The following NTRK2 variants were observed in gnomAD, a reference collection of about 807,000 sequenced individuals.
The protein encoded by NTRK2 is BDNF/NT-3 growth factors receptor.
Under a neutral mutation model 94.5 loss-of-function variants are expected in NTRK2, and 13 were observed. The ratio of observed to expected loss-of-function variants is 0.14; its 90% CI spans 0.09 to 0.22. NTRK2 has a LOEUF of 0.22. Among genes scored for constraint, NTRK2 ranks in the 10% least tolerant of loss-of-function variants. The pLI, the probability that NTRK2 is intolerant of heterozygous loss-of-function variation, is 1.00. For synonymous variants in NTRK2, 372 were observed against 407.4 expected, an observed-to-expected ratio of 0.91 and a Z score of 1.05; for missense variants, 639 against 1,071.2, an observed-to-expected ratio of 0.60 and a Z score of 5.63.
intron 17 of NTRK2, among the ~76,000 whole-genome samples, chr9:84,988,219 A>G (rs925234792): frequency 1.3e-5 from 2 of 152,202 alleles, no homozygotes; most frequent in South Asian, 2.1e-4. Flanking sequence ...AGCCACGCCA[A>G]CCAGAGGCAG....
chr9:84,705,252 G>A (rs117762954), intron 4 of NTRK2, among the ~76,000 whole-genome samples: 2 of 152,062 alleles, frequency 1.3e-5, no homozygotes, highest in East Asian at 1.9e-4. Flanking sequence ...GAGCCCCAGA[G>A]ACTGGTCACT....
intron 12 of NTRK2, among the ~76,000 whole-genome samples, chr9:84,854,946 C>CAAAAAAA (rs149925184): frequency 1.6e-5 from 1 of 63,364 alleles, no homozygotes; most frequent in Non-Finnish European, 2.7e-5. Context: ...GACTCCGTCT[C>CAAAAAAA]AAAAAAAAAA....
chr9:84,841,759 G>C (rs1043121894), intron 12 of NTRK2, among the ~76,000 whole-genome samples: 1 of 152,150 alleles, frequency 6.6e-6, no homozygotes, highest in Non-Finnish European at 1.5e-5. Context: ...CCTTGTTGTC[G>C]TTGGTAATTC....
At chr9:84,699,275 A>C (rs2060576073) in intron 2 of NTRK2, among the ~76,000 whole-genome samples, 1 of 152,086 alleles carries the variant, frequency 6.6e-6, no homozygotes, top group African/African-American at 2.4e-5. Flanking sequence ...TGACCTCGTG[A>C]TCCGCCCGAC....
intron 12 of NTRK2, among the ~76,000 whole-genome samples, chr9:84,854,946 CAAAAAAAAAAAAAAAA>C (rs149925184): frequency 6.3e-5 from 4 of 63,364 alleles, no homozygotes; most frequent in Admixed American, 2.5e-4. Flanking sequence ...GACTCCGTCT[CAAAAAAAAAAAAAAAA>C]AAAAAAAAAA....
intron 17 of NTRK2, among the ~76,000 whole-genome samples, chr9:85,013,905 G>C (rs2133544461): frequency 6.6e-6 from 1 of 152,288 alleles, no homozygotes; most frequent in Non-Finnish European, 1.5e-5. Flanking sequence ...TGGCCTCCCA[G>C]GCATCATTGG....
At chr9:84,803,124 G>A (rs2070700101) in intron 12 of NTRK2, among the ~76,000 whole-genome samples, 1 of 152,168 alleles carries the variant, frequency 6.6e-6, no homozygotes, top group Non-Finnish European at 1.5e-5. Context: ...TGCCAAATGA[G>A]TCTGTGCCCA....
At chr9:84,819,659 T>C (rs911296165) in intron 12 of NTRK2, among the ~76,000 whole-genome samples, 2 of 152,192 alleles carry the variant, frequency 1.3e-5, no homozygotes, top group African/African-American at 4.8e-5. Context: ...GTTCAGGGTA[T>C]GTCTGTTGTG....
intron 12 of NTRK2, among the ~76,000 whole-genome samples, chr9:84,827,255 AG>A (rs1156483193): frequency 6.6e-6 from 1 of 152,158 alleles, no homozygotes; most frequent in African/African-American, 2.4e-5. Flanking sequence ...GGGAGGAGAG[AG>A]GGGCAGCCCC....
intron 9 of NTRK2, among the ~76,000 whole-genome samples, chr9:84,735,245 T>G (rs952333775): frequency 1.3e-5 from 2 of 152,162 alleles, no homozygotes; most frequent in Admixed American, 1.3e-4. Flanking sequence ...CACTGAGACC[T>G]TTTGACTCTG....
intron 12 of NTRK2, among the ~76,000 whole-genome samples, chr9:84,783,881 T>C (rs35092125): frequency 0.044 from 6,684 of 152,062 alleles, 188 homozygotes; most frequent in Admixed American, 0.061. Flanking sequence ...CCCAAAGACT[T>C]CGCATGGAGG....
At chr9:84,746,393 A>G (rs1481057803) in intron 11 of NTRK2, among the ~76,000 whole-genome samples, 1 of 152,084 alleles carries the variant, frequency 6.6e-6, no homozygotes, top group African/African-American at 2.4e-5. Context: ...CTTTACAAGG[A>G]AAGTTTGCCT....
At chr9:84,715,302 T>C (rs1738607633) in intron 6 of NTRK2, among the ~76,000 whole-genome samples, 1 of 152,224 alleles carries the variant, frequency 6.6e-6, no homozygotes, top group Non-Finnish European at 1.5e-5. Context: ...TCATTATTTT[T>C]GAAATTTTTA....
chr9:84,762,995 C>A (rs2065718637), intron 12 of NTRK2, among the ~76,000 whole-genome samples: 1 of 152,192 alleles, frequency 6.6e-6, no homozygotes, highest in African/African-American at 2.4e-5. Flanking sequence ...CTATTCAAGT[C>A]ATAGGTGTAC....
At chr9:84,808,791 G>A (rs961853562) in intron 12 of NTRK2, among the ~76,000 whole-genome samples, 12 of 152,168 alleles carry the variant, frequency 7.9e-5, no homozygotes, top group African/African-American at 2.9e-4. Context: ...AGGGAGAAAT[G>A]CCATGGAAAT....
chr9:84,968,255 T>A (rs990685736), intron 17 of NTRK2, among the ~76,000 whole-genome samples: 1 of 152,142 alleles, frequency 6.6e-6, no homozygotes, highest in Admixed American at 6.5e-5. Flanking sequence ...TCTGAAAGCT[T>A]CTCTGTGCCC....
At chr9:84,812,866 T>C (rs1404879894) in intron 12 of NTRK2, 2 of 1,033,966 alleles carry the variant, frequency 1.9e-6, no homozygotes, top group Non-Finnish European at 2.3e-6. Flanking sequence ...GGCCATTTAA[T>C]ATATCAAAGA....
intron 12 of NTRK2, among the ~76,000 whole-genome samples, chr9:84,805,257 A>G (rs1056967163): frequency 2.0e-5 from 3 of 152,232 alleles, no homozygotes; most frequent in African/African-American, 7.2e-5. Flanking sequence ...ACATCAGACC[A>G]GAGCTTTTCC....
rs565268154 is a variant in NTRK2, at chr9:85,024,880, C to T, written c.*3443C>T. On this transcript the variant is annotated 3_prime_UTR_variant, in exon 19 of 19. Coordinates refer to ENST00000277120, the MANE Select transcript of NTRK2 (RefSeq NM_006180.6). ...CATATTATACATGTGTTCACATCAG[C>T]GCTACCTGTGATGTTTTCATGTATT... The T allele has an allele frequency of 1.2e-4, 29 of 232,858 alleles. No homozygotes were observed. The highest frequency in any genetic ancestry group is 1.8e-4 in the South Asian group (1 of 5,518). The allele number at this position is 232,858 out of a possible 1,614,324, so 14.4% of individuals were successfully genotyped here. A position where few individuals can be genotyped will look rare whatever the true frequency, so the allele number is the denominator to read the frequency against.
Sources: allele counts gnomAD v4.1 joint callset (sites outside exome capture counted in the v4.1 genomes callset), GRCh38; gene constraint gnomAD v4.1.1; transcripts MANE v1.5; gene names NCBI Gene and HGNC (gene_info 2026-07-23, HGNC 2026-07-21).